SETD5: variants seen among roughly 807,000 people sequenced by gnomAD.
SETD5 encodes the protein histone-lysine N-methyltransferase SETD5.
In SETD5, 44 loss-of-function variants were observed where a neutral mutation model predicts 153.3. The ratio of observed to expected loss-of-function variants is 0.29; its 90% CI spans 0.23 to 0.37. The LOEUF (loss-of-function observed/expected upper bound fraction) is 0.37. SETD5 is among the 10% of genes least tolerant of loss of function. The probability of loss-of-function intolerance (pLI) is 1.00; values close to 1 mark genes in which losing one functional copy is unlikely to be tolerated. For synonymous variants in SETD5, 716 were observed against 645.2 expected (o/e 1.11, Z -1.66); for missense variants, 1,544 against 1,768.0 (o/e 0.87, Z 2.27).
At chr3:9,458,864 A>G (rs186392560) in intron 17 of SETD5, among the ~76,000 whole-genome samples, 439 of 152,270 alleles carry the variant, frequency 2.9e-3, no homozygotes, top group Admixed American at 5.2e-3. Flanking sequence ...AAATTTATAT[A>G]TAAGGTTGGT....
At chr3:9,424,765 C>T (rs997556695) in intron 2 of SETD5, among the ~76,000 whole-genome samples, 2 of 152,076 alleles carry the variant, frequency 1.3e-5, no homozygotes, top group African/African-American at 4.8e-5. Context: ...GAAAATACTG[C>T]ATTTAGATGA....
intron 18 of SETD5, among the ~76,000 whole-genome samples, chr3:9,467,563 T>C (rs2044759476): frequency 6.6e-6 from 1 of 152,166 alleles, no homozygotes; most frequent in South Asian, 2.1e-4. Flanking sequence ...CCTGCTTTGC[T>C]GAAGCAGCCT....
At chr3:9,463,606 G>A (rs2044229167) in intron 17 of SETD5, among the ~76,000 whole-genome samples, 1 of 152,122 alleles carries the variant, frequency 6.6e-6, no homozygotes, top group South Asian at 2.1e-4. Context: ...TTTTTTAATG[G>A]TTGGGAGAAG....
intron 1 of SETD5, among the ~76,000 whole-genome samples, chr3:9,406,070 T>C (rs2035601321): frequency 6.6e-6 from 1 of 152,240 alleles, no homozygotes; most frequent in Admixed American, 6.5e-5. Flanking sequence ...GCGTTTATTT[T>C]ACATTTTCCC....
At chr3:9,457,478 C>T (rs575447015) in intron 17 of SETD5, among the ~76,000 whole-genome samples, 1 of 151,620 alleles carries the variant, frequency 6.6e-6, no homozygotes, top group East Asian at 1.9e-4. Context: ...TAGAGTGAGA[C>T]TCTGTCTCAA....
chr3:9,420,976 C>T (rs1039227462), intron 1 of SETD5, among the ~76,000 whole-genome samples: 1 of 152,070 alleles, frequency 6.6e-6, no homozygotes, highest in African/African-American at 2.4e-5. Flanking sequence ...TTCACATATA[C>T]TTAAAGGGAC....
chr3:9,441,827 C>T (rs549871762), intron 9 of SETD5, 86 bp downstream of exon 9: 32 of 1,533,686 alleles, frequency 2.1e-5, no homozygotes, highest in East Asian at 2.0e-4. Context: ...TTTGATAAGA[C>T]GCTCTTGGGA....
intron 18 of SETD5, among the ~76,000 whole-genome samples, chr3:9,465,582 G>A (rs567355335): frequency 2.6e-5 from 4 of 152,056 alleles, no homozygotes; most frequent in Non-Finnish European, 4.4e-5. Context: ...CCAATCTTAC[G>A]TTTCCTATTC....
intron 1 of SETD5, among the ~76,000 whole-genome samples, chr3:9,404,161 T>G (rs868865713): frequency 6.6e-6 from 1 of 152,202 alleles, no homozygotes; most frequent in African/African-American, 2.4e-5. Flanking sequence ...AAGTTTTCCC[T>G]TCTGTCTATA....
intron 13 of SETD5, among the ~76,000 whole-genome samples, chr3:9,445,965 G>GTTTTTTTCTTTTTTT (rs2041910093): frequency 1.2e-5 from 1 of 86,476 alleles, no homozygotes; most frequent in African/African-American, 4.7e-5. Context: ...TGAAGAGGTT[G>GTTTTTTTCTTTTTTT]TTTTTTTTTT....
rs575982156 is a variant in SETD5 at position 9,422,244 on chromosome 3, C to A, written c.-176-2223C>A. On this transcript the variant is annotated intron_variant, in intron 1 of 22. Transcript: ENST00000402198. ...AGTAAGATCTGAAGTAATATTGTTG[C>A]CCTGCAAAAAAGTGGTTGTTATCAG... Among the ~76,000 whole-genome samples the A allele has an allele frequency of 3.9e-5, 6 of 152,128 alleles. No homozygotes were observed. In the South Asian group the frequency reaches 1.0e-3, roughly 26 times the overall value.
chr3:9,432,280 G>C, intron 3 of SETD5: 2 of 985,010 alleles, frequency 2.0e-6, no homozygotes, highest in Non-Finnish European at 1.2e-6. Context: ...TTCCTTTGCT[G>C]TTATTAATAA....
chr3:9,433,832 C>T lies in SETD5; in HGVS notation c.72-13C>T, dbSNP rs370401807. Reference sequence around the variant, plus strand: ...TGTTATGCTATCATGCATTGCTTTTCGCCTTTGTGCAGCCCTGAATCTGTG... The same window carrying T: ...TGTTATGCTATCATGCATTGCTTTTTGCCTTTGTGCAGCCCTGAATCTGTG... On this transcript the variant is annotated splice_polypyrimidine_tract_variant and intron_variant, in intron 3 of 22. Coordinates refer to ENST00000402198, the MANE Select transcript of SETD5 (RefSeq NM_001080517.3). 2.9e-5 allele frequency: 46 copies of T among 1,612,270 alleles called. No individual in the cohort carries two copies. Among genetic ancestry groups the T allele is most frequent in the Non-Finnish European group, 3.7e-5 (44 of 1,178,682 alleles).
intron 7 of SETD5, among the ~76,000 whole-genome samples, chr3:9,437,512 T>C (rs992592152): frequency 2.0e-5 from 3 of 150,850 alleles, no homozygotes; most frequent in African/African-American, 7.3e-5. Flanking sequence ...CTGTCTGGTA[T>C]CCTCCTTTAC....
At chr3:9,466,846 G>C (rs1158356163) in intron 18 of SETD5, among the ~76,000 whole-genome samples, 1 of 152,106 alleles carries the variant, frequency 6.6e-6, no homozygotes. Context: ...GTAACATCGT[G>C]AGACCACATT....
chr3:9,436,863 G>A, intron 7 of SETD5: 1 of 1,550,250 alleles, frequency 6.5e-7, no homozygotes. Flanking sequence ...TTTCGAGAGG[G>A]ATCCCGGAAG....
intron 17 of SETD5, among the ~76,000 whole-genome samples, chr3:9,459,988 A>G (rs1344022356): frequency 6.6e-6 from 1 of 151,952 alleles, no homozygotes; most frequent in Admixed American, 6.6e-5. Context: ...TTATCCCACT[A>G]TTACCATTAT....
At chr3:9,412,877 G>C (rs2036819113) in intron 1 of SETD5, among the ~76,000 whole-genome samples, 1 of 150,728 alleles carries the variant, frequency 6.6e-6, no homozygotes, top group South Asian at 2.1e-4. Context: ...TGAATAAATG[G>C]ACTTCTTTAT....
chr3:9,445,943 C>G (rs1417986798), intron 13 of SETD5, among the ~76,000 whole-genome samples: 1 of 120,872 alleles, frequency 8.3e-6, no homozygotes, highest in Non-Finnish European at 1.7e-5. Context: ...TGATTATTAT[C>G]TAGTGATGGT....
Sources: gnomAD v4.1 joint callset for allele counts (sites outside exome capture counted in the v4.1 genomes callset) on GRCh38, gnomAD v4.1.1 for gene constraint, MANE v1.5 for transcripts, NCBI Gene and HGNC (gene_info 2026-07-23, HGNC 2026-07-21) for gene names.